EPB41L2: variants seen among roughly 807,000 people sequenced by gnomAD.
EPB41L2 encodes the protein erythrocyte membrane protein band 4.1 like 2, also known as band 4.1-like protein 2.
A neutral mutation model predicts 113.0 loss-of-function variants in EPB41L2; 43 were observed. The ratio of observed to expected loss-of-function variants is 0.38; its 90% CI spans 0.30 to 0.49. The LOEUF (loss-of-function observed/expected upper bound fraction) is 0.49, where lower values mean the gene tolerates loss of function less well. Ranked by LOEUF, EPB41L2 falls within the 20% of genes least tolerant of loss-of-function variation. EPB41L2 has a pLI of 0.95. For synonymous variants in EPB41L2, 442 were observed against 436.7 expected (o/e 1.01, Z -0.15); for missense variants, 1,147 against 1,223.4 (o/e 0.94, Z 0.93).
At position 130,890,476 on chromosome 6, in the gene EPB41L2, G is replaced by GAAGA; in HGVS notation, c.1488-11_1488-10insTCTT. ...CTCTGGAGAAACAAGCCTATGGGAG[G>GAAGA]AAAAAAAAAAAAAAAGAGAGAGAGA... On this transcript the variant is annotated splice_polypyrimidine_tract_variant and intron_variant, in intron 10 of 19. Coordinates refer to ENST00000337057, the MANE Select transcript of EPB41L2 (RefSeq NM_001431.4). The GAAGA allele has an allele frequency of 7.4e-7, 1 of 1,344,876 alleles. No homozygotes were observed. Among genetic ancestry groups the GAAGA allele is most frequent in the South Asian group, 1.5e-5 (1 of 68,596 alleles). The allele number at this position is 1,344,876 out of a possible 1,614,324, so 83.3% of individuals were successfully genotyped here.
chr6:130,962,878 C>T (rs960468716), intron 1 of EPB41L2, among the ~76,000 whole-genome samples: 2 of 152,134 alleles, frequency 1.3e-5, no homozygotes, highest in African/African-American at 2.4e-5. Context: ...TAGTCTCCCA[C>T]CCCTTGGCAA....
At chr6:130,913,509 TAA>T (rs1800050034) in intron 4 of EPB41L2, among the ~76,000 whole-genome samples, 1 of 152,210 alleles carries the variant, frequency 6.6e-6, no homozygotes, top group African/African-American at 2.4e-5. Flanking sequence ...CCAGGGTACT[TAA>T]TACAGTTTTA....
intron 3 of EPB41L2, among the ~76,000 whole-genome samples, chr6:130,928,876 C>T (rs952472549): frequency 7.9e-5 from 12 of 152,210 alleles, no homozygotes; most frequent in African/African-American, 2.2e-4. Context: ...TCAGAGCTCA[C>T]GTGAGAATAA....
At chr6:130,949,580 G>C (rs1814118245) in intron 3 of EPB41L2, among the ~76,000 whole-genome samples, 1 of 151,878 alleles carries the variant, frequency 6.6e-6, no homozygotes, top group Admixed American at 6.6e-5. Flanking sequence ...GAAGAAAAGG[G>C]ACAGGGAAGG....
intron 1 of EPB41L2, among the ~76,000 whole-genome samples, chr6:131,033,316 G>T (rs1792613137): frequency 6.6e-6 from 1 of 152,136 alleles, no homozygotes; most frequent in Non-Finnish European, 1.5e-5. Flanking sequence ...AGGAGGTAGA[G>T]GAAATAAAAC....
intron 1 of EPB41L2, among the ~76,000 whole-genome samples, chr6:131,053,623 G>T (rs190963288): frequency 8.1e-4 from 123 of 152,190 alleles, no homozygotes; most frequent in African/African-American, 2.9e-3. Flanking sequence ...GGTTCATATT[G>T]TTACTAACAG....
At chr6:130,926,507 T>G (rs560581756) in intron 4 of EPB41L2, 98 bp downstream of exon 4, 10 of 874,882 alleles carry the variant, frequency 1.1e-5, no homozygotes, top group Middle Eastern at 3.4e-4. Context: ...AATAAACACC[T>G]AAGTTATTTT....
chr6:130,993,510 C>T (rs1015031476), intron 1 of EPB41L2, among the ~76,000 whole-genome samples: 3 of 152,250 alleles, frequency 2.0e-5, no homozygotes, highest in South Asian at 4.1e-4. Flanking sequence ...CTTAAAATGG[C>T]GTCAGCACCA....
At chr6:130,924,527 T>G (rs945592318) in intron 4 of EPB41L2, among the ~76,000 whole-genome samples, 2 of 152,058 alleles carry the variant, frequency 1.3e-5, no homozygotes, top group Non-Finnish European at 2.9e-5. Flanking sequence ...TACAGGCGCA[T>G]GCCACCATGC....
intron 1 of EPB41L2, among the ~76,000 whole-genome samples, chr6:130,998,723 T>C (rs1394553092): frequency 1.3e-5 from 2 of 152,130 alleles, no homozygotes; most frequent in South Asian, 2.1e-4. Context: ...AACCAGTAAA[T>C]AAGTTAGCAA....
Position 130,908,827 on chromosome 6 carries a change from G to A in EPB41L2, c.847C>T (p.Leu283=). The change falls in exon 5 of 20, where the codon CTG becomes TTG. Residue 283 remains leucine, a synonymous_variant. Coordinates refer to ENST00000337057, the MANE Select transcript of EPB41L2 (RefSeq NM_001431.4). ...LDPAKEIKRQ[L]RNLPWLFTFN... ...TGATTATTTATATACTTACTTCTCA[G>A]TTGTCTCTTTATTTCTTTAGCAGGA... 1.9e-6 allele frequency: 3 copies of A among 1,600,458 alleles called. No homozygotes were observed. Among genetic ancestry groups the A allele is most frequent in the Non-Finnish European group, 2.6e-6 (3 of 1,171,478 alleles).
chr6:130,910,067 C>A (rs988497877), intron 4 of EPB41L2, among the ~76,000 whole-genome samples: 5 of 152,154 alleles, frequency 3.3e-5, no homozygotes, highest in Admixed American at 6.5e-5. Flanking sequence ...GCCCATATAG[C>A]CAAGACAATC....
chr6:130,842,902 G>A (rs1682217773), intron 19 of EPB41L2, among the ~76,000 whole-genome samples: 1 of 152,090 alleles, frequency 6.6e-6, no homozygotes, highest in Admixed American at 6.5e-5. Flanking sequence ...TATTATAAAT[G>A]ATAACCTTCA....
intron 3 of EPB41L2, among the ~76,000 whole-genome samples, chr6:130,941,746 C>G (rs113260770): frequency 0.02 from 3,028 of 152,212 alleles, 37 homozygotes; most frequent in Non-Finnish European, 0.031. Flanking sequence ...GGCTTAATCT[C>G]AAAACAGGCT....
rs565915827 is a variant in EPB41L2 at position 130,936,368 on chromosome 6, G to C, written c.706-9659C>G. ...TGGTTATAGCCAATGTCTCTCTTCT[G>C]ACCCTCCAACAGAAGGGTAAGTCCT... On this transcript the variant is annotated intron_variant, in intron 3 of 19. Coordinates refer to ENST00000337057, the MANE Select transcript of EPB41L2 (RefSeq NM_001431.4). Among the ~76,000 whole-genome samples, 5 of 152,238 alleles carry C rather than the reference G, an allele frequency of 3.3e-5. No individual in the cohort carries two copies. The East Asian group carries it at 7.7e-4, about 24-fold the overall frequency.
At chr6:131,037,586 T>A (rs1219266300) in intron 1 of EPB41L2, among the ~76,000 whole-genome samples, 2 of 12,126 alleles carry the variant, frequency 1.6e-4, no homozygotes, top group Non-Finnish European at 3.5e-4. Flanking sequence ...AAACCTAAAA[T>A]TTTTTTTTTT....
chr6:130,908,707 C>A, intron 5 of EPB41L2, 114 bp downstream of exon 5: 2 of 724,250 alleles, frequency 2.8e-6, no homozygotes, highest in Non-Finnish European at 2.2e-6. Context: ...GTATTATTAA[C>A]TTCTAAGATG....
intron 1 of EPB41L2, among the ~76,000 whole-genome samples, chr6:130,963,549 A>G (rs1465244481): frequency 6.6e-6 from 1 of 152,176 alleles, no homozygotes; most frequent in East Asian, 1.9e-4. Context: ...TATGAAAACT[A>G]AGGCATAATT....
Position 130,890,352 on chromosome 6 carries a change from C to G in EPB41L2, c.1602G>C (p.Arg534Ser), listed in dbSNP as rs1792391702. 6.2e-7 allele frequency: 1 copy of G among 1,613,588 alleles called. No individual in the cohort carries two copies. Residue 534 changes from arginine (R) to serine (S), a missense_variant, in exon 11 of 20, where the codon AGG becomes AGC. By Grantham distance (110) the Arg-to-Ser change is moderately radical (BLOSUM62 -1). Coordinates refer to ENST00000337057, the MANE Select transcript of EPB41L2 (RefSeq NM_001431.4). ...AAGTGCGCTCAAAGTGTGGTGCTGG[C>G]CTATCTATGAGGGTGCTGGCCTGGC... ...QTRQASTLID[R>S]PAPHFERTSS...
Sources: gnomAD v4.1 joint callset for allele counts (sites outside exome capture counted in the v4.1 genomes callset) on GRCh38, gnomAD v4.1.1 for gene constraint, MANE v1.5 for transcripts, NCBI Gene and HGNC (gene_info 2026-07-23, HGNC 2026-07-21) for gene names.